The following ST3GAL6 variants were observed in gnomAD, a reference collection of about 807,000 sequenced individuals.
ST3GAL6 encodes the protein type 2 lactosamine alpha-2,3-sialyltransferase.
In ST3GAL6, 31 loss-of-function variants were observed where a neutral mutation model predicts 40.5. That is an observed-to-expected ratio of 0.77 (90% CI 0.58 to 1.03). The LOEUF is 1.03. Among genes scored for constraint, ST3GAL6 ranks in the 50% least tolerant of loss-of-function variants. ST3GAL6 has a pLI of 0.00. For missense variants in ST3GAL6, 357 were observed against 393.2 expected, an observed-to-expected ratio of 0.91 and a Z score of 0.78; for synonymous variants, 129 against 136.9, an observed-to-expected ratio of 0.94 and a Z score of 0.40.
At chr3:98,757,461 G>A (rs1937510061) in intron 1 of ST3GAL6, among the ~76,000 whole-genome samples, 1 of 152,206 alleles carries the variant, frequency 6.6e-6, no homozygotes, top group Admixed American at 6.5e-5. Flanking sequence ...GGTAGGGCTG[G>A]ATCCTCAGGT....
At chr3:98,755,877 A>G (rs1385873086) in intron 1 of ST3GAL6, among the ~76,000 whole-genome samples, 2 of 151,142 alleles carry the variant, frequency 1.3e-5, no homozygotes, top group Admixed American at 1.3e-4. Context: ...CTTCACCCAC[A>G]CTTCTTTTTC....
rs1219270202 is a variant in ST3GAL6 at position 98,794,771 on chromosome 3, T to A, written c.*1010T>A. ...AAATAATTAGCTGGGCGTGGTGGTA[T>A]GCGCTGTAGTCCCAGGTACTCGGGA... On this transcript the variant is annotated 3_prime_UTR_variant, in exon 10 of 10. Coordinates refer to ENST00000483910, the MANE Select transcript of ST3GAL6 (RefSeq NM_001323368.2). 1 of 152,138 alleles carries A rather than the reference T, an allele frequency of 6.6e-6. No individual in the cohort carries two copies. Among genetic ancestry groups the A allele is most frequent in the Non-Finnish European group, 1.5e-5 (1 of 68,058 alleles). 9.4% of individuals were successfully genotyped at this position (152,138 alleles called of 1,614,324 possible).
chr3:98,760,502 C>T (rs557213238), upstream of ST3GAL6, among the ~76,000 whole-genome samples: 3 of 152,130 alleles, frequency 2.0e-5, no homozygotes, highest in South Asian at 2.1e-4. Flanking sequence ...ATCCTAAAGT[C>T]GAGTACGTAC....
chr3:98,793,364 AAAGTGAAC>A (rs1485237914), intron 9 of ST3GAL6, among the ~76,000 whole-genome samples: 1 of 152,222 alleles, frequency 6.6e-6, no homozygotes, highest in Non-Finnish European at 1.5e-5. Context: ...TTCTTCCATT[AAAGTGAAC>A]AACTCAAAAT....
At chr3:98,740,218 C>A (rs1462276666) in intron 1 of ST3GAL6, among the ~76,000 whole-genome samples, 2 of 133,984 alleles carry the variant, frequency 1.5e-5, no homozygotes, top group African/African-American at 5.8e-5. Flanking sequence ...TCTCTTATTG[C>A]AAAACACTTT....
chr3:98,788,470 A>G lies in ST3GAL6; in HGVS notation c.756+7A>G. ...AGTGTTTCCCAAAAATCAGGTATGT[A>G]TTTATCTCTGCATGGTTTCAAACTA... On this transcript the variant is annotated splice_region_variant and intron_variant, in intron 8 of 9. Coordinates refer to ENST00000483910, the MANE Select transcript of ST3GAL6 (RefSeq NM_001323368.2). The G allele has an allele frequency of 1.2e-6, 2 of 1,601,630 alleles. No individual in the cohort carries two copies. Among genetic ancestry groups the G allele is most frequent in the South Asian group, 1.1e-5 (1 of 88,380 alleles).
At chr3:98,783,887 A>T (rs1259963623) in intron 5 of ST3GAL6, 1 of 168,854 alleles carries the variant, frequency 5.9e-6, no homozygotes, top group Non-Finnish European at 1.2e-5. Context: ...TACTCAAAAA[A>T]GGTAAATTTA....
chr3:98,745,200 A>C (rs949963135), intron 1 of ST3GAL6, among the ~76,000 whole-genome samples: 3 of 151,856 alleles, frequency 2.0e-5, no homozygotes, highest in Non-Finnish European at 4.4e-5. Flanking sequence ...AGCCTAGCTA[A>C]TTTTTGTATT....
chr3:98,755,213 A>AT (rs1166226849), intron 1 of ST3GAL6, among the ~76,000 whole-genome samples: 51 of 151,724 alleles, frequency 3.4e-4, no homozygotes, highest in Admixed American at 2.1e-3. Context: ...CGCCTGACTG[A>AT]TTTTTTGTCT....
At chr3:98,763,525 A>C in intron 1 of ST3GAL6, 86 bp downstream of exon 1, 1 of 1,223,914 alleles carries the variant, frequency 8.2e-7, no homozygotes, top group South Asian at 1.3e-5. Context: ...TTAGGTGCCC[A>C]CAGGCTGTGT....
chr3:98,781,888 T>G (rs1234821073), intron 5 of ST3GAL6, among the ~76,000 whole-genome samples: 1 of 152,206 alleles, frequency 6.6e-6, no homozygotes, highest in Non-Finnish European at 1.5e-5. Context: ...TTGCTTAACA[T>G]TCCTAGTGGA....
chr3:98,788,067 G>A lies in ST3GAL6; in HGVS notation c.463G>A (p.Glu155Lys). The A allele has an allele frequency of 6.2e-7, 1 of 1,613,806 alleles. No homozygotes were observed. Among genetic ancestry groups the A allele is most frequent in the Non-Finnish European group, 8.5e-7 (1 of 1,179,896 alleles). ...TAATGGTCCTGTTTTAGGACATGAAGAAGAAGTTGGGAGAAGGACAACCTT... is the reference window on the plus strand; with the variant it reads ...TAATGGTCCTGTTTTAGGACATGAAAAAGAAGTTGGGAGAAGGACAACCTT... ...MNNGPVLGHEEEVGRRTTFRL... is the reference protein window; with the variant it reads ...MNNGPVLGHEKEVGRRTTFRL... The change falls in exon 7 of 10, where the codon GAA (glutamate) becomes AAA (lysine). Residue 155 changes from glutamate to lysine, a missense_variant. Physicochemically the swap from Glu to Lys is moderately conservative, Grantham distance 56 (BLOSUM62 1). Coordinates refer to ENST00000483910, the MANE Select transcript of ST3GAL6 (RefSeq NM_001323368.2).
chr3:98,738,954 A>C (rs1423539381), intron 1 of ST3GAL6, among the ~76,000 whole-genome samples: 3 of 152,240 alleles, frequency 2.0e-5, no homozygotes, highest in Admixed American at 6.5e-5. Flanking sequence ...AAATGGATAT[A>C]AAACAATCCT....
chr3:98,744,656 T>C (rs1462314806), intron 1 of ST3GAL6, among the ~76,000 whole-genome samples: 1 of 152,224 alleles, frequency 6.6e-6, no homozygotes, highest in African/African-American at 2.4e-5. Context: ...GGGTCTCTGC[T>C]GAAGTGTTCT....
chr3:98,742,849 C>A (rs1337691799), intron 1 of ST3GAL6, among the ~76,000 whole-genome samples: 3 of 151,722 alleles, frequency 2.0e-5, no homozygotes, highest in Non-Finnish European at 2.9e-5. Flanking sequence ...AGGCATGTAC[C>A]ACCACACCTG....
intron 4 of ST3GAL6, 95 bp from the exon 5 acceptor site, chr3:98,773,825 G>T: frequency 1.1e-6 from 1 of 915,322 alleles, no homozygotes; most frequent in South Asian, 1.5e-5. Context: ...CATGCTGGTT[G>T]GAAATGGGTT....
Position 98,775,896 on chromosome 3 carries a change from G to T in ST3GAL6, c.335+1913G>T, listed in dbSNP as rs981715805. On this transcript the variant is annotated intron_variant, in intron 5 of 9. Coordinates refer to ENST00000483910, the MANE Select transcript of ST3GAL6 (RefSeq NM_001323368.2). ...GACTGCAGGAGTCCTTTAGTCTGAA[G>T]TTGCCAAGAGTCTGAAGTGAAGTAA... Among the ~76,000 whole-genome samples the T allele has an allele frequency of 2.0e-5, 3 of 152,174 alleles. No individual in the cohort carries two copies. The East Asian group carries it at 5.8e-4, about 29-fold the overall frequency.
At chr3:98,771,207 C>T in intron 3 of ST3GAL6, 1 of 1,371,584 alleles carries the variant, frequency 7.3e-7, no homozygotes, top group Non-Finnish European at 9.6e-7. Flanking sequence ...CTAGAGAGGT[C>T]TATTTGTGTT....
chr3:98,749,707 C>G (rs1936839539), intron 1 of ST3GAL6, among the ~76,000 whole-genome samples: 1 of 152,138 alleles, frequency 6.6e-6, no homozygotes, highest in Non-Finnish European at 1.5e-5. Flanking sequence ...TCAGGAAAGA[C>G]AGAAACTTGT....
Sources: allele counts gnomAD v4.1 joint callset (sites outside exome capture counted in the v4.1 genomes callset), GRCh38; gene constraint gnomAD v4.1.1; transcripts MANE v1.5; gene names NCBI Gene and HGNC (gene_info 2026-07-23, HGNC 2026-07-21).